Variants in SEC14L2 observed in about 807,000 individuals in gnomAD.
The protein encoded by SEC14L2 is SEC14 like lipid binding 2, also known as SEC14-like protein 2.
A neutral mutation model predicts 56.9 loss-of-function variants in SEC14L2; 50 were observed. The ratio of observed to expected loss-of-function variants is 0.88; its 90% CI spans 0.70 to 1.11. The LOEUF (loss-of-function observed/expected upper bound fraction) is 1.11. Ranked by LOEUF, SEC14L2 falls within the 50% of genes most tolerant of loss-of-function variation. The pLI, the probability that SEC14L2 is intolerant of heterozygous loss-of-function variation, is 0.00. For missense variants in SEC14L2, 414 were observed against 500.7 expected (o/e 0.83, Z 1.65); for synonymous variants, 179 against 188.5 (o/e 0.95, Z 0.41).
intron 5 of SEC14L2, among the ~76,000 whole-genome samples, chr22:30,408,812 C>T (rs1006899880): frequency 6.6e-6 from 1 of 152,192 alleles, no homozygotes; most frequent in African/African-American, 2.4e-5. Context: ...GTGGATGCAC[C>T]CCTGAGGGTT....
chr22:30,421,418 T>C (rs994441971), intron 11 of SEC14L2: 1 of 152,260 alleles, frequency 6.6e-6, no homozygotes, highest in African/African-American at 2.4e-5. Flanking sequence ...GCAACTTGTT[T>C]TGGCCTCAGG....
intron 2 of SEC14L2, among the ~76,000 whole-genome samples, chr22:30,404,576 T>C (rs1892311048): frequency 6.6e-6 from 1 of 152,218 alleles, no homozygotes; most frequent in African/African-American, 2.4e-5. Context: ...GATGGCAAAA[T>C]TGATCTGAAT....
intron 2 of SEC14L2, among the ~76,000 whole-genome samples, chr22:30,402,740 GTTTT>G (rs5844904): frequency 7.0e-6 from 1 of 143,590 alleles, no homozygotes; most frequent in Non-Finnish European, 1.5e-5. Context: ...TCTCAATTGG[GTTTT>G]TTTTTTTTGT....
chr22:30,414,876 TAC>T (rs1419333139), intron 8 of SEC14L2, among the ~76,000 whole-genome samples: 1 of 152,126 alleles, frequency 6.6e-6, no homozygotes, highest in Admixed American at 6.5e-5. Context: ...GGGGTGACTC[TAC>T]AGAGATGCAT....
In SEC14L2 at chr22:30,399,513, C is replaced by CAAAAAAAA. The variant is rs60817387; in HGVS notation, c.55-113_55-106dup. On this transcript the variant is annotated intron_variant, in intron 1 of 11. Transcript: ENST00000615189. The stretch of plus-strand genomic sequence containing the variant: ...TGGGCGAGAGTGCGAGACTCTATCT[C>CAAAAAAAA]AAAAAAAAAAAAAAAAAAAAAAAAG... 56 of 242,742 alleles carry CAAAAAAAA rather than the reference C, an allele frequency of 2.3e-4. 1 individual carries two copies. The highest frequency in any genetic ancestry group is 2.7e-4 in the South Asian group (5 of 18,282). The allele number at this position is 242,742 out of a possible 1,614,324, so 15.0% of individuals were successfully genotyped here.
chr22:30,398,642 AC>A (rs908924616), intron 1 of SEC14L2: 1 of 462,332 alleles, frequency 2.2e-6, no homozygotes, highest in African/African-American at 2.0e-5. Context: ...TGAGTTGCCC[AC>A]CTCTCTCCCC....
chr22:30,417,417 T>C (rs893877201), intron 11 of SEC14L2, among the ~76,000 whole-genome samples: 1 of 152,212 alleles, frequency 6.6e-6, no homozygotes, highest in African/African-American at 2.4e-5. Context: ...CACAATCAAA[T>C]CTCCAGTTTC....
rs956057024 is a variant in SEC14L2, at chr22:30,424,837, G to C, written c.*2430G>C. On this transcript the variant is annotated 3_prime_UTR_variant, in exon 12 of 12. Coordinates refer to ENST00000615189, the MANE Select transcript of SEC14L2 (RefSeq NM_012429.5). Reference sequence around the variant, plus strand: ...GTGAACTGAGGTCCAGCGGGGGAAGGCTTCCTCCTGTTGTAATCACTAACC... The same window carrying C: ...GTGAACTGAGGTCCAGCGGGGGAAGCCTTCCTCCTGTTGTAATCACTAACC... 11 of 456,602 alleles carry C rather than the reference G, an allele frequency of 2.4e-5. No homozygotes were observed. The highest frequency in any genetic ancestry group is 2.2e-4 in the African/African-American group (11 of 50,172). 28.3% of individuals were successfully genotyped at this position (456,602 alleles called of 1,614,324 possible).
Position 30,415,846 on chromosome 22 carries a change from A to G in SEC14L2, c.752A>G (p.Asn251Ser), listed in dbSNP as rs1464513925. 2 of 1,613,868 alleles carry G rather than the reference A, an allele frequency of 1.2e-6. No homozygotes were observed. Among genetic ancestry groups the G allele is most frequent in the South Asian group, 1.1e-5 (1 of 91,082 alleles). ...GGCACCATGACTGACCCTGATGGAAACCCCAAGTGCAAATCCAAGGTATGA... is the reference window on the plus strand; with the variant it reads ...GGCACCATGACTGACCCTGATGGAAGCCCCAAGTGCAAATCCAAGGTATGA... ...YGGTMTDPDG[N>S]PKCKSKINYG... The change falls in exon 9 of 12, where the codon AAC becomes AGC. Residue 251 changes from asparagine (N) to serine (S), a missense_variant. Transcript: ENST00000615189.
intron 2 of SEC14L2, among the ~76,000 whole-genome samples, chr22:30,404,782 T>G (rs192807587): frequency 6.6e-6 from 1 of 152,138 alleles, no homozygotes; most frequent in African/African-American, 2.4e-5. Context: ...GCCAAGAAAG[T>G]TCTTAGGCTG....
chr22:30,406,241 T>G (rs1934088678), intron 2 of SEC14L2, 101 bp from the exon 3 acceptor site: 3 of 1,120,556 alleles, frequency 2.7e-6, no homozygotes, highest in Non-Finnish European at 4.0e-6. Context: ...GAGAGATGAC[T>G]GAGAGGAACT....
In SEC14L2 at chr22:30,415,617, C is replaced by G. The variant is rs1260566470; in HGVS notation, c.665-142C>G. 12 of 687,776 alleles carry G rather than the reference C, an allele frequency of 1.7e-5. No individual in the cohort carries two copies. In the Admixed American group the frequency reaches 1.9e-4, roughly 11 times the overall value. 42.6% of individuals were successfully genotyped at this position (687,776 alleles called of 1,614,324 possible). A position where few individuals can be genotyped will look rare whatever the true frequency, so the allele number is the denominator to read the frequency against. On this transcript the variant is annotated intron_variant, in intron 8 of 11. Coordinates refer to ENST00000615189, the MANE Select transcript of SEC14L2 (RefSeq NM_012429.5). ...AGTACTATGCATGCACTGTGTGCTC[C>G]TAATGCAGGAATTTGAGGCGGGGTG... is the stretch of plus-strand genomic sequence containing the variant.
At position 30,424,392 on chromosome 22, in the gene SEC14L2, TCCTATA is replaced by T; in HGVS notation, c.*1987_*1992del. 3.2e-6 allele frequency: 1 copy of T among 308,748 alleles called. No individual in the cohort carries two copies. The highest frequency in any genetic ancestry group is 4.4e-5 in the Admixed American group (1 of 22,552). The allele number at this position is 308,748 out of a possible 1,614,324, so 19.1% of individuals were successfully genotyped here. A position where few individuals can be genotyped will look rare whatever the true frequency, so the allele number is the denominator to read the frequency against. ...CTTGAGGTAACTGCTGACCGGACTG[TCCTATA>T]CAGCCCTACAAGACAGAGGCGCCTA... is the stretch of plus-strand genomic sequence containing the variant. On this transcript the variant is annotated 3_prime_UTR_variant, in exon 12 of 12. Transcript: ENST00000615189.
chr22:30,403,664 C>G (rs1934002265), intron 2 of SEC14L2, among the ~76,000 whole-genome samples: 1 of 152,138 alleles, frequency 6.6e-6, no homozygotes, highest in African/African-American at 2.4e-5. Flanking sequence ...AGAGCCTCCC[C>G]AAGATAAGGG....
Position 30,416,404 on chromosome 22 carries a change from G to C in SEC14L2, c.1081+1G>C. On this transcript the variant is annotated splice_donor_variant, in intron 11 of 11. Transcript: ENST00000615189. LOFTEE classifies it high-confidence loss of function. ...CTCACCTGCAGTGATCCTGGCATCT[G>C]TAAGTATCTCTGCCTTGGCAATGCC... 1 of 1,614,260 alleles carries C rather than the reference G, an allele frequency of 6.2e-7. No homozygotes were observed. Among genetic ancestry groups the C allele is most frequent in the Non-Finnish European group, 8.5e-7 (1 of 1,180,042 alleles).
At chr22:30,407,642 G>A (rs1934135291) in intron 5 of SEC14L2, 39 bp downstream of exon 5, 2 of 1,569,318 alleles carry the variant, frequency 1.3e-6, no homozygotes, top group Non-Finnish European at 1.7e-6. Flanking sequence ...GTTGACCACA[G>A]CAGAGGCATT....
At chr22:30,404,615 A>G (rs1242194663) in intron 2 of SEC14L2, among the ~76,000 whole-genome samples, 1 of 152,166 alleles carries the variant, frequency 6.6e-6, no homozygotes, top group Non-Finnish European at 1.5e-5. Context: ...TGAAGGATGG[A>G]CTGAAGTTGA....
chr22:30,425,085 C>G lies in SEC14L2; in HGVS notation c.*2678C>G, dbSNP rs1934633011. ...TCATTTAGAGCTCGCATTAAGAGCA[C>G]GGGATCTGGATCCACACTGTTTGGA... On this transcript the variant is annotated 3_prime_UTR_variant, in exon 12 of 12. Coordinates refer to ENST00000615189, the MANE Select transcript of SEC14L2 (RefSeq NM_012429.5). 1 of 260,336 alleles carries G rather than the reference C, an allele frequency of 3.8e-6. No homozygotes were observed. 16.1% of individuals were successfully genotyped at this position (260,336 alleles called of 1,614,324 possible). A position where few individuals can be genotyped will look rare whatever the true frequency, so the allele number is the denominator to read the frequency against.
In SEC14L2 at chr22:30,409,432, T is replaced by C. The variant is rs761718414; in HGVS notation, c.526T>C (p.Cys176Arg). Residue 176 changes from cysteine (C) to arginine (R), a missense_variant, in exon 7 of 12, where the codon TGC becomes CGC. Cys to Arg is a radical substitution (Grantham distance 180, BLOSUM62 -3). Transcript: ENST00000615189. ...PAVEAYGEFL[C>R]MFEENYPETL... ...AGTGATTTTGTTTCCACAGTTTCTC[T>C]GCATGTTTGAGGAAAATTATCCCGA... 57 of 1,614,200 alleles carry C rather than the reference T, an allele frequency of 3.5e-5. No individual in the cohort carries two copies. Among genetic ancestry groups the C allele is most frequent in the Non-Finnish European group, 4.4e-5 (52 of 1,180,022 alleles).
Sources: allele counts gnomAD v4.1 joint callset (sites outside exome capture counted in the v4.1 genomes callset), GRCh38; gene constraint gnomAD v4.1.1; transcripts MANE v1.5; gene names NCBI Gene and HGNC (gene_info 2026-07-23, HGNC 2026-07-21).